TP53BP1: variants seen among roughly 807,000 people sequenced by gnomAD.
The protein encoded by TP53BP1 is TP53-binding protein 1.
In TP53BP1, 61 loss-of-function variants were observed where a neutral mutation model predicts 200.8. The observed-to-expected ratio is 0.30, with a 90% CI of 0.25 to 0.38. The LOEUF (loss-of-function observed/expected upper bound fraction) is 0.38. Ranked by LOEUF, TP53BP1 falls within the 10% of genes least tolerant of loss-of-function variation. The pLI, the probability that TP53BP1 is intolerant of heterozygous loss-of-function variation, is 1.00. For synonymous variants in TP53BP1, 822 were observed against 844.3 expected (o/e 0.97, Z 0.46); for missense variants, 2,144 against 2,371.9 (o/e 0.90, Z 2.00).
At position 43,404,100 on chromosome 15, in the gene TP53BP1, A is replaced by G. The variant is rs968338327; in HGVS notation, c.*3283T>C. On this transcript the variant is annotated 3_prime_UTR_variant, in exon 28 of 28. Transcript: ENST00000382044. ...TCCTTACTTCCTTGAACTAACCCCC[A>G]TCTCACTGAGATAATTATCTGCTTG... 3 of 512,870 alleles carry G rather than the reference A, an allele frequency of 5.8e-6. No homozygotes were observed. The highest frequency in any genetic ancestry group is 3.3e-5 in the Admixed American group (1 of 30,078). 31.8% of individuals were successfully genotyped at this position (512,870 alleles called of 1,614,324 possible).
intron 27 of TP53BP1, 169 bp from the exon 28 acceptor site, chr15:43,407,739 G>A: frequency 1.3e-6 from 1 of 781,958 alleles, no homozygotes; most frequent in Non-Finnish European, 2.0e-6. Context: ...TAATCACTAT[G>A]TGCTGACCTT....
intron 21 of TP53BP1, among the ~76,000 whole-genome samples, chr15:43,419,002 C>G (rs1454328764): frequency 6.6e-6 from 1 of 152,098 alleles, no homozygotes; most frequent in Non-Finnish European, 1.5e-5. Flanking sequence ...GGTAGATCAC[C>G]TGAGCTCAGG....
chr15:43,457,084 A>T lies in TP53BP1; in HGVS notation c.1524T>A (p.Asp508Glu). 1.2e-6 allele frequency: 2 copies of T among 1,614,176 alleles called. No homozygotes were observed. The highest frequency in any genetic ancestry group is 1.7e-6 in the Non-Finnish European group (2 of 1,180,028). ...AATCCCCTGTCAAAGATAGCCCAAG[A>T]TCCTCAGGGGAATTCTTTGGTTCAA... ...SEIEPKNSPEDLGLSLTGDSC... is the reference protein window; with the variant it reads ...SEIEPKNSPEELGLSLTGDSC... The change falls in exon 12 of 28, where the codon GAT becomes GAA. Residue 508 changes from aspartate to glutamate, a missense_variant. Asp to Glu is a conservative substitution (Grantham distance 45, BLOSUM62 2). Around this residue, in one of 4 missense-constraint regions of TP53BP1, gnomAD observed 1,700 missense variants for 1,710.3 expected, o/e 0.99. Coordinates refer to ENST00000382044, the MANE Select transcript of TP53BP1 (RefSeq NM_001141980.3).
intron 19 of TP53BP1, among the ~76,000 whole-genome samples, chr15:43,421,458 C>G (rs1181241776): frequency 1.3e-5 from 2 of 152,218 alleles, no homozygotes; most frequent in African/African-American, 4.8e-5. Flanking sequence ...GCCTTCTCCT[C>G]TACTTTAGGC....
At chr15:43,454,588 TC>T (rs1482275995) in intron 12 of TP53BP1, among the ~76,000 whole-genome samples, 4 of 151,940 alleles carry the variant, frequency 2.6e-5, no homozygotes, top group Non-Finnish European at 5.9e-5. Flanking sequence ...GTCTCAAACT[TC>T]CGACCTCAGG....
chr15:43,499,030 A>C (rs548186422), intron 1 of TP53BP1, among the ~76,000 whole-genome samples: 1 of 152,202 alleles, frequency 6.6e-6, no homozygotes. Context: ...AAAAAAAAAA[A>C]AACAAAACAA....
chr15:43,411,937 C>A (rs916818033), intron 24 of TP53BP1, among the ~76,000 whole-genome samples: 1 of 152,092 alleles, frequency 6.6e-6, no homozygotes, highest in African/African-American at 2.4e-5. Flanking sequence ...GAAAAAAAAA[C>A]CCATGACCAT....
intron 16 of TP53BP1, among the ~76,000 whole-genome samples, chr15:43,434,285 A>C (rs2142999272): frequency 6.6e-6 from 1 of 152,354 alleles, no homozygotes; most frequent in South Asian, 2.1e-4. Context: ...TAGATGCATA[A>C]GACAATGCAA....
At chr15:43,413,083 A>G in intron 24 of TP53BP1, 36 bp downstream of exon 24, 1 of 1,601,892 alleles carries the variant, frequency 6.2e-7, no homozygotes, top group Admixed American at 1.7e-5. Flanking sequence ...AGAAGTGCCT[A>G]TGTGTCAGAG....
chr15:43,508,787 G>C (rs2079252793), intron 1 of TP53BP1, among the ~76,000 whole-genome samples: 1 of 152,176 alleles, frequency 6.6e-6, no homozygotes, highest in Non-Finnish European at 1.5e-5. Flanking sequence ...CAGTGAGCCT[G>C]CAAAATACTC....
intron 4 of TP53BP1, among the ~76,000 whole-genome samples, chr15:43,491,162 C>T (rs947918638): frequency 7.0e-4 from 107 of 151,832 alleles, no homozygotes; most frequent in African/African-American, 2.6e-3. Flanking sequence ...CTCACTGCAA[C>T]CTCCGCCTCC....
rs752464607 is a variant in TP53BP1 at position 43,457,109 on chromosome 15, A to C, written c.1499T>G (p.Ile500Ser). 1 of 1,614,196 alleles carries C rather than the reference A, an allele frequency of 6.2e-7. No homozygotes were observed. The highest frequency in any genetic ancestry group is 8.5e-7 in the Non-Finnish European group (1 of 1,180,036). The part of the protein sequence containing the change: ...LTVECSKTSE[I>S]EPKNSPEDLG... The stretch of plus-strand genomic sequence containing the variant: ...ATCCTCAGGGGAATTCTTTGGTTCA[A>C]TCTCTGAAGTTTTAGAACACTCAAC... Residue 500 changes from isoleucine (I) to serine (S), a missense_variant, in exon 12 of 28, where the codon ATT becomes AGT. Around this residue, in one of 4 missense-constraint regions of TP53BP1, gnomAD observed 1,700 missense variants for 1,710.3 expected, o/e 0.99. Transcript: ENST00000382044.
chr15:43,481,895 G>C (rs2078974400), intron 4 of TP53BP1, among the ~76,000 whole-genome samples: 2 of 151,110 alleles, frequency 1.3e-5, no homozygotes, highest in African/African-American at 2.4e-5. Context: ...CTGCAGCCTT[G>C]AACTACTGGG....
At chr15:43,455,367 G>A (rs1157352750) in intron 12 of TP53BP1, among the ~76,000 whole-genome samples, 1 of 151,782 alleles carries the variant, frequency 6.6e-6, no homozygotes, top group Non-Finnish European at 1.5e-5. Flanking sequence ...CTAGTCCCGA[G>A]TTACAAAGCT....
In TP53BP1 at chr15:43,475,737, A is replaced by C. The variant is rs146096347; in HGVS notation, c.956-43T>G. On this transcript the variant is annotated intron_variant, in intron 8 of 27. Coordinates refer to ENST00000382044, the MANE Select transcript of TP53BP1 (RefSeq NM_001141980.3). Reference sequence around the variant, plus strand: ...CAGTTGCACTTCTCAGATTGACACTACTGAGCTGCCAAAAACCATTCAGTA... The same window carrying C: ...CAGTTGCACTTCTCAGATTGACACTCCTGAGCTGCCAAAAACCATTCAGTA... The C allele has an allele frequency of 8.6e-5, 139 of 1,610,610 alleles. No homozygotes were observed. The African/African-American group carries it at 1.7e-3, about 20-fold the overall frequency.
chr15:43,466,058 T>C (rs2046572167), intron 11 of TP53BP1, among the ~76,000 whole-genome samples: 1 of 152,190 alleles, frequency 6.6e-6, no homozygotes, highest in African/African-American at 2.4e-5. Context: ...TCTATACTCC[T>C]GCAAACTACA....
intron 16 of TP53BP1, among the ~76,000 whole-genome samples, chr15:43,433,548 C>T (rs776560258): frequency 1.3e-4 from 20 of 152,178 alleles, no homozygotes; most frequent in Non-Finnish European, 2.4e-4. Context: ...AAAATAGATG[C>T]TTAATACATG....
chr15:43,493,124 G>A lies in TP53BP1; in HGVS notation c.-81C>T. On this transcript the variant is annotated 5_prime_UTR_variant, in exon 1 of 28. Transcript: ENST00000382044. ...CCTCCAGATCGATCCCTAGGTCGCCGCTGTCGCCACCGCCGCCACCGGCCG... is the reference window on the plus strand; with the variant it reads ...CCTCCAGATCGATCCCTAGGTCGCCACTGTCGCCACCGCCGCCACCGGCCG... 4 of 1,592,280 alleles carry A rather than the reference G, an allele frequency of 2.5e-6. No individual in the cohort carries two copies. Among genetic ancestry groups the A allele is most frequent in the Admixed American group, 1.7e-5 (1 of 57,444 alleles).
Position 43,405,387 on chromosome 15 carries a change from C to T in TP53BP1, c.*1996G>A. On this transcript the variant is annotated 3_prime_UTR_variant, in exon 28 of 28. Coordinates refer to ENST00000382044, the MANE Select transcript of TP53BP1 (RefSeq NM_001141980.3). ...ATCCAGGAGTACAACTCCTTCCCATCATTCCCATGTGGAAGGGTCTCTCCC... is the reference window on the plus strand; with the variant it reads ...ATCCAGGAGTACAACTCCTTCCCATTATTCCCATGTGGAAGGGTCTCTCCC... The T allele has an allele frequency of 1.5e-6, 1 of 676,622 alleles. No individual in the cohort carries two copies. 41.9% of individuals were successfully genotyped at this position (676,622 alleles called of 1,614,324 possible).
Sources: gnomAD v4.1 joint callset for allele counts (sites outside exome capture counted in the v4.1 genomes callset) on GRCh38, gnomAD v4.1.1 for gene constraint, gnomAD v4.1.1 regional missense constraint, MANE v1.5 for transcripts, NCBI Gene and HGNC (gene_info 2026-07-23, HGNC 2026-07-21) for gene names.